CRYZ: variants seen among roughly 807,000 people sequenced by gnomAD.
CRYZ encodes crystallin zeta, also known as zeta-crystallin.
In CRYZ, 35 loss-of-function variants were observed where a neutral mutation model predicts 34.1. The ratio of observed to expected loss-of-function variants is 1.03; its 90% CI spans 0.78 to 1.36. The LOEUF is 1.36. Among genes scored for constraint, CRYZ ranks in the 40% most tolerant of loss-of-function variants. The pLI is 0.00. For missense variants in CRYZ, 403 were observed against 391.8 expected, an observed-to-expected ratio of 1.03 and a Z score of -0.24; for synonymous variants, 137 against 136.5, an observed-to-expected ratio of 1.00 and a Z score of -0.03.
At position 74,706,477 on chromosome 1, in the gene CRYZ, A is replaced by T. The variant is rs1295367104; in HGVS notation, c.829-20T>A. The T allele has an allele frequency of 6.3e-7, 1 of 1,587,656 alleles. No individual in the cohort carries two copies. The highest frequency in any genetic ancestry group is 8.5e-7 in the Non-Finnish European group (1 of 1,170,876). On this transcript the variant is annotated intron_variant, in intron 8 of 8. Coordinates refer to ENST00000340866, the MANE Select transcript of CRYZ (RefSeq NM_001889.4). ...TTCCTCCTAAGAAAAGGAAAAACAA[A>T]TTTCTTTTTGTAGTGAACCGTATGA...
chr1:74,707,032 C>G, intron 7 of CRYZ, 38 bp from the exon 8 acceptor site: 2 of 1,577,326 alleles, frequency 1.3e-6, no homozygotes, highest in Non-Finnish European at 1.7e-6. Context: ...TTAAAGATTA[C>G]TGTAAAATAG....
chr1:74,706,105 T>A lies in CRYZ; in HGVS notation c.*191A>T. ...TGATGACTCTTTGATTTGAGACAGA[T>A]GGCATAAAAAAATATTGCTAGCTAT... is the stretch of plus-strand genomic sequence containing the variant. On this transcript the variant is annotated 3_prime_UTR_variant, in exon 9 of 9. Transcript: ENST00000340866. 1 of 475,170 alleles carries A rather than the reference T, an allele frequency of 2.1e-6. No homozygotes were observed. Among genetic ancestry groups the A allele is most frequent in the Non-Finnish European group, 3.7e-6 (1 of 269,844 alleles). 29.4% of individuals were successfully genotyped at this position (475,170 alleles called of 1,614,324 possible).
intron 4 of CRYZ, among the ~76,000 whole-genome samples, chr1:74,715,513 C>A (rs1052763457): frequency 1.3e-5 from 2 of 152,154 alleles, no homozygotes; most frequent in African/African-American, 4.8e-5. Context: ...GAACAGTAAC[C>A]AGAGTCCTGC....
intron 4 of CRYZ, among the ~76,000 whole-genome samples, chr1:74,715,433 C>A (rs1036840740): frequency 3.3e-5 from 5 of 152,178 alleles, no homozygotes; most frequent in African/African-American, 9.7e-5. Context: ...GGCTCTCTTA[C>A]TTCCTCAAAC....
At chr1:74,732,634 G>A (rs1309205051) in intron 1 of CRYZ, 1 of 121,002 alleles carries the variant, frequency 8.3e-6, no homozygotes, top group Non-Finnish European at 1.8e-5. Flanking sequence ...GGGGCTGGGG[G>A]ACAGGGAGTG....
chr1:74,715,428 T>C (rs1400196151), intron 4 of CRYZ, among the ~76,000 whole-genome samples: 2 of 152,188 alleles, frequency 1.3e-5, no homozygotes, highest in African/African-American at 2.4e-5. Flanking sequence ...AGGAAGGCTC[T>C]CTTACTTCCT....
At chr1:74,719,432 T>A in intron 3 of CRYZ, 60 bp from the exon 4 acceptor site, 1 of 1,421,426 alleles carries the variant, frequency 7.0e-7, no homozygotes, top group Non-Finnish European at 9.6e-7. Flanking sequence ...TCAAAATAGG[T>A]ATAATCCTTT....
rs1169467605 is a variant in CRYZ, at chr1:74,727,644, C to CAAAA, written c.-13-2814_-13-2811dup. ...TGGGCAACACAGCGAGACTCTGTCT[C>CAAAA]AAAAAAAAAAAAAAAAAAAAAAACC... On this transcript the variant is annotated intron_variant, in intron 1 of 8. Transcript: ENST00000340866. Among the ~76,000 whole-genome samples, 91 of 48,680 alleles carry CAAAA rather than the reference C, an allele frequency of 1.9e-3. 4 individuals are homozygous for CAAAA. The highest frequency in any genetic ancestry group is 6.2e-3 in the African/African-American group (82 of 13,224). The allele number at this position is 48,680 out of a possible 152,430, so 31.9% of individuals were successfully genotyped here. A position where few individuals can be genotyped will look rare whatever the true frequency, so the allele number is the denominator to read the frequency against.
intron 7 of CRYZ, 23 bp downstream of exon 7, chr1:74,707,080 A>T: frequency 1.3e-6 from 2 of 1,560,996 alleles, no homozygotes; most frequent in Non-Finnish European, 1.7e-6. Context: ...GGTAAAAAAA[A>T]AAAAAAGAAA....
chr1:74,724,367 T>C (rs565245607), intron 2 of CRYZ, among the ~76,000 whole-genome samples: 1 of 152,278 alleles, frequency 6.6e-6, no homozygotes, highest in South Asian at 2.1e-4. Context: ...AAGAAAATTG[T>C]TTTCCCAGCA....
intron 1 of CRYZ, among the ~76,000 whole-genome samples, chr1:74,731,821 C>T (rs916861817): frequency 1.4e-4 from 21 of 152,198 alleles, no homozygotes; most frequent in African/African-American, 5.1e-4. Flanking sequence ...ATCATTGACA[C>T]ACCTTCCCTG....
chr1:74,710,569 T>C (rs1470040620), intron 5 of CRYZ, among the ~76,000 whole-genome samples: 1 of 152,204 alleles, frequency 6.6e-6, no homozygotes, highest in Non-Finnish European at 1.5e-5. Flanking sequence ...TATGCGGAGA[T>C]GGAAACAGGA....
chr1:74,726,968 G>C (rs1306727793), intron 1 of CRYZ, among the ~76,000 whole-genome samples: 1 of 152,046 alleles, frequency 6.6e-6, no homozygotes, highest in Non-Finnish European at 1.5e-5. Context: ...CCTTTGCTCA[G>C]TTCCCAACAG....
chr1:74,729,824 C>A (rs1647606640), intron 1 of CRYZ, among the ~76,000 whole-genome samples: 1 of 152,036 alleles, frequency 6.6e-6, no homozygotes. Flanking sequence ...AACATTAATA[C>A]TAAATATTGG....
intron 4 of CRYZ, 84 bp from the exon 5 acceptor site, chr1:74,714,714 A>G: frequency 7.1e-7 from 1 of 1,414,318 alleles, no homozygotes; most frequent in Non-Finnish European, 1.0e-6. Context: ...AGGAATTTCT[A>G]CCCCTAGTCT....
chr1:74,731,719 C>T (rs908701199), intron 1 of CRYZ, among the ~76,000 whole-genome samples: 3 of 152,140 alleles, frequency 2.0e-5, no homozygotes, highest in African/African-American at 7.2e-5. Context: ...GCTGCGCTAA[C>T]CAGACACGTA....
rs1310351672 is a variant in CRYZ, at chr1:74,712,204, A to G, written c.481-1957T>C. Among the ~76,000 whole-genome samples the G allele has an allele frequency of 3.9e-5, 6 of 152,362 alleles. No homozygotes were observed. In the East Asian group the frequency reaches 9.6e-4, roughly 24 times the overall value. ...GATTAGATGACAAATGATGGTACAA[A>G]TAAGTGTCACATACATTTAGAGCAG... On this transcript the variant is annotated intron_variant, in intron 5 of 8. Transcript: ENST00000340866.
chr1:74,732,199 T>G (rs1012915099), intron 1 of CRYZ, among the ~76,000 whole-genome samples: 7 of 143,602 alleles, frequency 4.9e-5, no homozygotes, highest in Admixed American at 4.1e-4. Flanking sequence ...AGCTGACAGG[T>G]GGGCTGTGGG....
In CRYZ at chr1:74,710,174, C is replaced by A. The variant is rs777656845; in HGVS notation, c.554G>T (p.Gly185Val). Reference protein sequence around the residue: ...KILGTAGTEEGQKIVLQNGAH... With the variant: ...KILGTAGTEEVQKIVLQNGAH... ...TCCATTTTGCAAAACAATCTTTTGT[C>A]CTTCCTCAGTACCAGCAGTGCCCAA... Residue 185 changes from glycine to valine, a missense_variant, in exon 6 of 9, where the codon GGA (glycine) becomes GTA (valine). Coordinates refer to ENST00000340866, the MANE Select transcript of CRYZ (RefSeq NM_001889.4). 1 of 1,613,856 alleles carries A rather than the reference C, an allele frequency of 6.2e-7. No homozygotes were observed. The highest frequency in any genetic ancestry group is 1.1e-5 in the South Asian group (1 of 91,068).
Sources: allele counts gnomAD v4.1 joint callset (sites outside exome capture counted in the v4.1 genomes callset), GRCh38; gene constraint gnomAD v4.1.1; transcripts MANE v1.5; gene names NCBI Gene and HGNC (gene_info 2026-07-23, HGNC 2026-07-21).